ANKRD6: variants seen among roughly 807,000 people sequenced by gnomAD.
ANKRD6 encodes the protein ankyrin repeat domain 6, also known as ankyrin repeat domain-containing protein 6.
ANKRD6 carries 56 observed loss-of-function variants against 82.3 expected under a neutral mutation model. The observed-to-expected ratio is 0.68, with a 90% CI of 0.55 to 0.85. The LOEUF is 0.85. ANKRD6 is among the 40% of genes least tolerant of loss of function. The probability of loss-of-function intolerance (pLI) is 0.00; values close to 1 mark genes in which losing one functional copy is unlikely to be tolerated. For synonymous variants in ANKRD6, 347 were observed against 352.1 expected, an observed-to-expected ratio of 0.99 and a Z score of 0.16; for missense variants, 852 against 907.6, an observed-to-expected ratio of 0.94 and a Z score of 0.79.
In ANKRD6 at chr6:89,542,319, G is replaced by A. The variant is rs190223705; in HGVS notation, c.-143-24515G>A. On this transcript the variant is annotated intron_variant, in intron 1 of 15. Transcript: ENST00000339746. The stretch of plus-strand genomic sequence containing the variant: ...TTTTAGCAGGAGGACACACTGTCTA[G>A]TTGCTGCTTGTCTCTTTCTGTGATG... Among the ~76,000 whole-genome samples, 20 of 152,248 alleles carry A rather than the reference G, an allele frequency of 1.3e-4. No homozygotes were observed. In the East Asian group the frequency reaches 3.7e-3, roughly 28 times the overall value.
intron 1 of ANKRD6, among the ~76,000 whole-genome samples, chr6:89,524,373 A>C (rs928685998): frequency 6.6e-6 from 1 of 151,906 alleles, no homozygotes; most frequent in African/African-American, 2.4e-5. Context: ...GCTCCCACTT[A>C]CAAGTGAGAA....
chr6:89,448,219 G>A (rs1245696302), intron 1 of ANKRD6, among the ~76,000 whole-genome samples: 1 of 151,922 alleles, frequency 6.6e-6, no homozygotes, highest in African/African-American at 2.4e-5. Context: ...AAGATTGCTT[G>A]AACCCAGGAG....
At chr6:89,625,284 A>G (rs78226092) in intron 13 of ANKRD6, among the ~76,000 whole-genome samples, 5 of 143,710 alleles carry the variant, frequency 3.5e-5, no homozygotes, top group Non-Finnish European at 7.6e-5. Context: ...CTCTGTCTAG[A>G]AAAAAAAAAA....
chr6:89,460,447 G>A (rs1175710259), intron 1 of ANKRD6, among the ~76,000 whole-genome samples: 1 of 150,716 alleles, frequency 6.6e-6, no homozygotes, highest in Non-Finnish European at 1.5e-5. Context: ...TTTGTTTTTT[G>A]TTTTTTTTGA....
chr6:89,616,373 C>A (rs1801579352), intron 7 of ANKRD6, 186 bp from the exon 8 acceptor site: 7 of 589,042 alleles, frequency 1.2e-5, no homozygotes, highest in Non-Finnish European at 1.8e-5. Flanking sequence ...GATATTGGTG[C>A]CGAGGTCACT....
In ANKRD6 at chr6:89,603,245, A is replaced by G. The variant is rs930851222; in HGVS notation, c.318+118A>G. 1.5e-5 allele frequency: 11 copies of G among 753,916 alleles called. 1 individual carries two copies. In the East Asian group the frequency reaches 3.0e-4, roughly 21 times the overall value. The allele number at this position is 753,916 out of a possible 1,614,324, so 46.7% of individuals were successfully genotyped here. On this transcript the variant is annotated intron_variant, in intron 4 of 15. Coordinates refer to ENST00000339746, the MANE Select transcript of ANKRD6 (RefSeq NM_001242809.2). ...CTCGAGGTATTATAATTCCTGTCTT[A>G]CCACTTATGATTTAACATGATTAAA...
chr6:89,570,910 G>A (rs1321528690), intron 2 of ANKRD6, among the ~76,000 whole-genome samples: 9 of 152,150 alleles, frequency 5.9e-5, no homozygotes, highest in Non-Finnish European at 1.3e-4. Flanking sequence ...ATACTCAGAA[G>A]TGAAATATGG....
intron 1 of ANKRD6, among the ~76,000 whole-genome samples, chr6:89,440,194 A>G (rs1771192560): frequency 6.6e-6 from 1 of 152,214 alleles, no homozygotes. Flanking sequence ...AATTCAGGGA[A>G]AGAGTAATTC....
chr6:89,550,772 A>T (rs1254990308), intron 1 of ANKRD6, among the ~76,000 whole-genome samples: 1 of 152,154 alleles, frequency 6.6e-6, no homozygotes, highest in African/African-American at 2.4e-5. Context: ...CCCAGCCAAC[A>T]TGGTGAAACC....
intron 1 of ANKRD6, among the ~76,000 whole-genome samples, chr6:89,527,992 G>A (rs1782712094): frequency 6.6e-6 from 1 of 152,086 alleles, no homozygotes; most frequent in East Asian, 1.9e-4. Flanking sequence ...TAAATGTTTG[G>A]TAGTAACAAG....
At chr6:89,435,245 A>C (rs1770486508) in intron 1 of ANKRD6, among the ~76,000 whole-genome samples, 1 of 152,188 alleles carries the variant, frequency 6.6e-6, no homozygotes, top group Non-Finnish European at 1.5e-5. Flanking sequence ...GTGCAATGTA[A>C]AGAATAACAA....
At position 89,531,238 on chromosome 6, in the gene ANKRD6, C is replaced by T. The variant is rs981970105; in HGVS notation, c.-143-35596C>T. Among the ~76,000 whole-genome samples the T allele has an allele frequency of 2.6e-5, 4 of 152,178 alleles. 1 individual carries two copies. In the East Asian group the frequency reaches 7.7e-4, roughly 29 times the overall value. On this transcript the variant is annotated intron_variant, in intron 1 of 15. Coordinates refer to ENST00000339746, the MANE Select transcript of ANKRD6 (RefSeq NM_001242809.2). Reference sequence around the variant, plus strand: ...TTCTTTCTCTTAGCTCCTGTTTTCACAGTTATGTCGCTGTTAGGATGAGGA... The same window carrying T: ...TTCTTTCTCTTAGCTCCTGTTTTCATAGTTATGTCGCTGTTAGGATGAGGA...
At chr6:89,598,242 C>T (rs778346718) in intron 3 of ANKRD6, 115 of 985,212 alleles carry the variant, frequency 1.2e-4, no homozygotes, top group Non-Finnish European at 1.3e-4. Flanking sequence ...TGCTTCCTGC[C>T]AATCGTGTCA....
intron 1 of ANKRD6, among the ~76,000 whole-genome samples, chr6:89,454,368 C>A (rs906506874): frequency 4.6e-5 from 7 of 152,122 alleles, no homozygotes; most frequent in Non-Finnish European, 8.8e-5. Flanking sequence ...TGGCCAGTTT[C>A]TTCCTTCAAT....
At chr6:89,492,546 G>A (rs1778137779) in intron 1 of ANKRD6, among the ~76,000 whole-genome samples, 1 of 152,138 alleles carries the variant, frequency 6.6e-6, no homozygotes, top group South Asian at 2.1e-4. Context: ...CCCCACTAGA[G>A]GGTTGCCTTA....
intron 1 of ANKRD6, among the ~76,000 whole-genome samples, chr6:89,480,322 G>C (rs1256319568): frequency 6.6e-6 from 1 of 152,178 alleles, no homozygotes; most frequent in African/African-American, 2.4e-5. Flanking sequence ...CTGTAATAGA[G>C]TAACAGAGAA....
chr6:89,576,197 G>A (rs1005908637), intron 2 of ANKRD6, among the ~76,000 whole-genome samples: 41 of 152,034 alleles, frequency 2.7e-4, no homozygotes, highest in African/African-American at 9.2e-4. Flanking sequence ...GACTACAGGC[G>A]CCTGCCACCA....
intron 1 of ANKRD6, among the ~76,000 whole-genome samples, chr6:89,482,589 C>T (rs909551355): frequency 6.6e-6 from 1 of 152,182 alleles, no homozygotes; most frequent in African/African-American, 2.4e-5. Context: ...ACCCTCTCCC[C>T]AGTCCTGCAG....
At chr6:89,507,925 G>A (rs1249305537) in intron 1 of ANKRD6, among the ~76,000 whole-genome samples, 2 of 152,102 alleles carry the variant, frequency 1.3e-5, no homozygotes, top group Admixed American at 6.6e-5. Context: ...GAATGATCCA[G>A]CTGCCAGTTT....
Sources: allele counts gnomAD v4.1 joint callset (sites outside exome capture counted in the v4.1 genomes callset), GRCh38; gene constraint gnomAD v4.1.1; transcripts MANE v1.5; gene names NCBI Gene and HGNC (gene_info 2026-07-23, HGNC 2026-07-21).